FNDC3B: variants seen among roughly 807,000 people sequenced by gnomAD.
FNDC3B encodes fibronectin type III domain-containing protein 3B.
A neutral mutation model predicts 151.5 loss-of-function variants in FNDC3B; 12 were observed. The ratio of observed to expected loss-of-function variants is 0.08; its 90% CI spans 0.05 to 0.13. The LOEUF is 0.13. FNDC3B is among the 10% of genes least tolerant of loss of function. The pLI is 1.00. For synonymous variants in FNDC3B, 528 were observed against 549.0 expected, an observed-to-expected ratio of 0.96 and a Z score of 0.54; for missense variants, 1,214 against 1,505.3, an observed-to-expected ratio of 0.81 and a Z score of 3.20.
intron 2 of FNDC3B, among the ~76,000 whole-genome samples, chr3:172,113,647 T>C (rs1428464471): frequency 6.6e-6 from 1 of 152,226 alleles, no homozygotes; most frequent in East Asian, 1.9e-4. Context: ...TCTCTTCCTC[T>C]GCTGGATTAC....
chr3:172,076,683 TA>T (rs1718028180), intron 1 of FNDC3B, among the ~76,000 whole-genome samples: 2 of 37,786 alleles, frequency 5.3e-5, no homozygotes, highest in African/African-American at 1.2e-4. Context: ...AATATGAAAT[TA>T]TTTTTCCTGA....
chr3:172,082,981 C>A (rs944346611), intron 1 of FNDC3B, among the ~76,000 whole-genome samples: 3 of 152,102 alleles, frequency 2.0e-5, no homozygotes, highest in Admixed American at 1.3e-4. Context: ...TGTTTGTGTG[C>A]CTTAGTGATA....
At chr3:172,177,141 G>T (rs1269957079) in intron 3 of FNDC3B, among the ~76,000 whole-genome samples, 1 of 152,178 alleles carries the variant, frequency 6.6e-6, no homozygotes, top group Non-Finnish European at 1.5e-5. Flanking sequence ...AGGATTCTTT[G>T]CTAAAACCAG....
chr3:172,251,352 G>A lies in FNDC3B; in HGVS notation c.601G>A (p.Asp201Asn), dbSNP rs749187315. 2 of 1,614,016 alleles carry A rather than the reference G, an allele frequency of 1.2e-6. No homozygotes were observed. Among genetic ancestry groups the A allele is most frequent in the African/African-American group, 1.3e-5 (1 of 74,974 alleles). Reference sequence around the variant, plus strand: ...CAAAAAACTGAAAGACCGCCAGATCGATCGCCAGAACCGCCTCAACAGCCC... The same window carrying A: ...CAAAAAACTGAAAGACCGCCAGATCAATCGCCAGAACCGCCTCAACAGCCC... ...PHKKLKDRQI[D>N]RQNRLNSPPS... The change falls in exon 6 of 26, where the codon GAT (aspartate) becomes AAT (asparagine). Residue 201 changes from aspartate (D) to asparagine (N), a missense_variant. Around this residue, in one of 7 missense-constraint regions of FNDC3B, gnomAD observed 166 missense variants for 173.2 expected, o/e 0.96. Transcript: ENST00000415807.
At position 172,303,275 on chromosome 3, in the gene FNDC3B, GA is replaced by G. The variant is rs543107336; in HGVS notation, c.1062-4084del. Among the ~76,000 whole-genome samples, 27 of 152,254 alleles carry G rather than the reference GA, an allele frequency of 1.8e-4. No homozygotes were observed. The East Asian group carries it at 5.0e-3, about 28-fold the overall frequency. On this transcript the variant is annotated intron_variant, in intron 9 of 25. Coordinates refer to ENST00000415807, the MANE Select transcript of FNDC3B (RefSeq NM_022763.4). The stretch of plus-strand genomic sequence containing the variant: ...GTGATGGAATGGATAGCAATTTCAT[GA>G]AAATTTTGAAGCAGTTTTCTAGTCA...
At chr3:172,150,916 A>AT (rs113727129) in intron 3 of FNDC3B, among the ~76,000 whole-genome samples, 2,713 of 152,192 alleles carry the variant, frequency 0.018, 67 homozygotes, top group African/African-American at 0.055. Context: ...TCATCTAGGT[A>AT]TTTTTTAAAA....
chr3:172,071,876 T>C (rs1410322522), intron 1 of FNDC3B, among the ~76,000 whole-genome samples: 2 of 152,000 alleles, frequency 1.3e-5, no homozygotes, highest in African/African-American at 4.8e-5. Flanking sequence ...ATGTTGTATT[T>C]ATCCTTGTTT....
chr3:172,322,539 T>G (rs1732140477), intron 11 of FNDC3B, among the ~76,000 whole-genome samples: 1 of 152,256 alleles, frequency 6.6e-6, no homozygotes, highest in South Asian at 2.1e-4. Context: ...TAACCACTTG[T>G]GGTATAAGCC....
intron 1 of FNDC3B, among the ~76,000 whole-genome samples, chr3:172,084,472 T>TACACACACACACACACACACACAAACAC (rs138156277): frequency 7.0e-6 from 1 of 143,544 alleles, no homozygotes; most frequent in African/African-American, 2.6e-5. Context: ...TGTATATGTA[T>TACACACACACACACACACACACAAACAC]ACACACACAC....
At chr3:172,053,755 T>C (rs1410996277) in intron 1 of FNDC3B, among the ~76,000 whole-genome samples, 1 of 141,198 alleles carries the variant, frequency 7.1e-6, no homozygotes, top group African/African-American at 2.7e-5. Flanking sequence ...CCAGCCTAGG[T>C]GACAGGGCGA....
At chr3:172,186,246 T>C (rs1373994207) in intron 3 of FNDC3B, among the ~76,000 whole-genome samples, 1 of 152,190 alleles carries the variant, frequency 6.6e-6, no homozygotes, top group East Asian at 1.9e-4. Context: ...GAAAAATAAG[T>C]AATTGGGTTT....
intron 3 of FNDC3B, among the ~76,000 whole-genome samples, chr3:172,226,650 T>C (rs556483336): frequency 6.6e-6 from 1 of 152,324 alleles, no homozygotes; most frequent in East Asian, 1.9e-4. Context: ...AAGATACTTA[T>C]AGTTTTGGGT....
intron 5 of FNDC3B, 72 bp from the exon 6 acceptor site, chr3:172,251,188 C>T: frequency 8.4e-7 from 1 of 1,194,430 alleles, no homozygotes; most frequent in Non-Finnish European, 1.2e-6. Flanking sequence ...GGAGCCAGAT[C>T]ATTTGACCAT....
chr3:172,137,716 A>G (rs1434161819), intron 3 of FNDC3B, among the ~76,000 whole-genome samples: 2 of 152,208 alleles, frequency 1.3e-5, no homozygotes, highest in Non-Finnish European at 2.9e-5. Context: ...GGAAGCATAC[A>G]ATATGCTGTG....
At chr3:172,147,781 G>A (rs1237965959) in intron 3 of FNDC3B, among the ~76,000 whole-genome samples, 1 of 150,322 alleles carries the variant, frequency 6.7e-6, no homozygotes, top group African/African-American at 2.5e-5. Context: ...GAGATCGTCG[G>A]GGTTGGTGAC....
chr3:172,385,974 T>C (rs1216248224), intron 25 of FNDC3B, among the ~76,000 whole-genome samples: 4 of 152,218 alleles, frequency 2.6e-5, no homozygotes, highest in African/African-American at 7.2e-5. Context: ...CGCTTTCTGT[T>C]TTTCAGGTGT....
At position 172,219,106 on chromosome 3, in the gene FNDC3B, T is replaced by G. The variant is rs564509319; in HGVS notation, c.188-7765T>G. On this transcript the variant is annotated intron_variant, in intron 3 of 25. Coordinates refer to ENST00000415807, the MANE Select transcript of FNDC3B (RefSeq NM_022763.4). ...CTCAGTCTGTTTATTTGTAAAGCTG[T>G]GAGACTTCTACTATATCCTAAGGGC... Among the ~76,000 whole-genome samples the G allele has an allele frequency of 5.6e-4, 85 of 152,342 alleles. 2 individuals carry two copies. Among genetic ancestry groups the G allele is most frequent in the Admixed American group, 1.4e-3 (22 of 15,300 alleles).
intron 2 of FNDC3B, among the ~76,000 whole-genome samples, chr3:172,124,369 G>T (rs1245277802): frequency 6.6e-6 from 1 of 152,226 alleles, no homozygotes; most frequent in Non-Finnish European, 1.5e-5. Flanking sequence ...GGGATTTCGG[G>T]CGTGAGCCAC....
Position 172,218,742 on chromosome 3 carries a change from G to T in FNDC3B, c.188-8129G>T, listed in dbSNP as rs375782094. Among the ~76,000 whole-genome samples the T allele has an allele frequency of 2.0e-3, 301 of 152,318 alleles. 1 individual carries two copies. Among genetic ancestry groups the T allele is most frequent in the African/African-American group, 7.1e-3 (297 of 41,558 alleles). On this transcript the variant is annotated intron_variant, in intron 3 of 25. Coordinates refer to ENST00000415807, the MANE Select transcript of FNDC3B (RefSeq NM_022763.4). ...AGTAATTTGCCCCAAGGTCATGCTAGAATGTGATGGAGTCCAGGTGCAAAC... is the reference window on the plus strand; with the variant it reads ...AGTAATTTGCCCCAAGGTCATGCTATAATGTGATGGAGTCCAGGTGCAAAC...
Sources: gnomAD v4.1 joint callset for allele counts (sites outside exome capture counted in the v4.1 genomes callset) on GRCh38, gnomAD v4.1.1 for gene constraint, gnomAD v4.1.1 regional missense constraint, MANE v1.5 for transcripts, NCBI Gene and HGNC (gene_info 2026-07-23, HGNC 2026-07-21) for gene names.